Variants in TTLL11 observed in about 807,000 individuals in gnomAD.
The protein encoded by TTLL11 is tubulin tyrosine ligase like 11.
TTLL11 carries 42 observed loss-of-function variants against 51.7 expected under a neutral mutation model. That is an observed-to-expected ratio of 0.81 (90% CI 0.64 to 1.05). TTLL11 has a LOEUF of 1.05. Among genes scored for constraint, TTLL11 ranks in the 50% least tolerant of loss-of-function variants. TTLL11 has a pLI of 0.00. For missense variants in TTLL11, 799 were observed against 940.4 expected (o/e 0.85, Z 1.97); for synonymous variants, 381 against 383.5 (o/e 0.99, Z 0.08).
intron 8 of TTLL11, among the ~76,000 whole-genome samples, chr9:121,859,155 G>A (rs528740803): frequency 4.0e-5 from 6 of 151,648 alleles, no homozygotes; most frequent in African/African-American, 1.5e-4. Flanking sequence ...TTTGTGATGA[G>A]CTGTACAAAT....
chr9:122,038,884 T>C (rs563048583), intron 2 of TTLL11, among the ~76,000 whole-genome samples: 2 of 152,308 alleles, frequency 1.3e-5, no homozygotes, highest in South Asian at 2.1e-4. Context: ...CCTCCAAATA[T>C]AATACTTAAA....
intron 7 of TTLL11, among the ~76,000 whole-genome samples, chr9:121,867,062 AT>A (rs1838202644): frequency 6.6e-6 from 1 of 152,154 alleles, no homozygotes; most frequent in Non-Finnish European, 1.5e-5. Flanking sequence ...ATCTGAGAGC[AT>A]TTTAGGAATC....
intron 1 of TTLL11, among the ~76,000 whole-genome samples, chr9:122,067,893 A>T (rs189946697): frequency 1.3e-5 from 2 of 152,226 alleles, no homozygotes. Flanking sequence ...TCACTCCACA[A>T]TAGTTACCAG....
Position 121,824,751 on chromosome 9 carries a change from C to T in TTLL11, c.1841-1872G>A, listed in dbSNP as rs554312568. Among the ~76,000 whole-genome samples the T allele has an allele frequency of 4.6e-5, 7 of 152,264 alleles. No individual in the cohort carries two copies. In the East Asian group the frequency reaches 5.8e-4, roughly 13 times the overall value. On this transcript the variant is annotated intron_variant, in intron 8 of 8. Transcript: ENST00000321582. Reference sequence around the variant, plus strand: ...GACAGTAAGGTTGGACTGAACACCACGTGGCATTTTAGATTAGGCTGGTGT... The same window carrying T: ...GACAGTAAGGTTGGACTGAACACCATGTGGCATTTTAGATTAGGCTGGTGT...
chr9:122,030,202 T>TGCGG lies in TTLL11; in HGVS notation c.693+1520_693+1521insCCGC, dbSNP rs1554785376. Among the ~76,000 whole-genome samples the TGCGG allele has an allele frequency of 6.4e-5, 5 of 78,536 alleles. No individual in the cohort carries two copies. The Admixed American group carries it at 6.4e-4, about 10-fold the overall frequency. The allele number at this position is 78,536 out of a possible 152,430, so 51.5% of individuals were successfully genotyped here. On this transcript the variant is annotated intron_variant, in intron 3 of 8. Transcript: ENST00000321582. ...GAGCAGAGCCACAGAAGAGAGACAT[T>TGCGG]GGGGGGGGGGGGGTAATTATGAGGA...
rs759773660 is a variant in TTLL11 at position 122,031,772 on chromosome 9, T to C, written c.644A>G (p.Tyr215Cys). 1.2e-5 allele frequency: 19 copies of C among 1,613,396 alleles called. No homozygotes were observed. The highest frequency in any genetic ancestry group is 2.2e-5 in the East Asian group (1 of 44,882). ...GTCAGGCAGAATCCATGAGCGAGGG[T>C]AGAAGTTGTACTCCTCAGGAAAGAG... ...QNLFPEEYNF[Y>C]PRSWILPDEF... Residue 215 changes from tyrosine to cysteine, a missense_variant, in exon 3 of 9, where the codon TAC becomes TGC. This residue lies in a region of TTLL11 where 468 missense variants were observed against 612.8 expected (regional missense o/e 0.76). Transcript: ENST00000321582.
chr9:121,865,111 A>G (rs540070648), intron 7 of TTLL11, among the ~76,000 whole-genome samples: 16 of 152,332 alleles, frequency 1.1e-4, no homozygotes, highest in Admixed American at 5.2e-4. Flanking sequence ...AAGGCATGCA[A>G]TATTGCTGGA....
At chr9:121,910,292 A>G (rs965561842) in intron 6 of TTLL11, among the ~76,000 whole-genome samples, 15 of 152,058 alleles carry the variant, frequency 9.9e-5, no homozygotes, top group African/African-American at 3.4e-4. Context: ...AGTCTCTTAC[A>G]CTCTTTCTCT....
chr9:121,868,119 C>A (rs1412224682), intron 7 of TTLL11, among the ~76,000 whole-genome samples: 2 of 152,066 alleles, frequency 1.3e-5, no homozygotes, highest in East Asian at 3.9e-4. Flanking sequence ...GAAGCTTCTG[C>A]CTTTGCTCCA....
intron 5 of TTLL11, 74 bp from the exon 6 acceptor site, chr9:121,974,198 G>A: frequency 9.0e-7 from 1 of 1,110,336 alleles, no homozygotes; most frequent in African/African-American, 1.6e-5. Flanking sequence ...GCTAGCTCCA[G>A]GGGTTATACT....
chr9:122,086,830 T>A (rs751458450), intron 1 of TTLL11, among the ~76,000 whole-genome samples: 1 of 152,252 alleles, frequency 6.6e-6, no homozygotes, highest in African/African-American at 2.4e-5. Flanking sequence ...TAGAGAATCA[T>A]AAAACACTTA....
rs963130883 is a variant in TTLL11 at position 122,033,388 on chromosome 9, C to T, written c.560-1532G>A. Reference sequence around the variant, plus strand: ...TCGGCCTCCCAAAGTGCTGGGATTACAGACGTGGCCACCGCACCCGGCTAT... The same window carrying T: ...TCGGCCTCCCAAAGTGCTGGGATTATAGACGTGGCCACCGCACCCGGCTAT... On this transcript the variant is annotated intron_variant, in intron 2 of 8. Coordinates refer to ENST00000321582, the MANE Select transcript of TTLL11 (RefSeq NM_001139442.2). 2.0e-5 allele frequency among the ~76,000 whole-genome samples: 3 copies of T among 152,312 alleles called. No individual in the cohort carries two copies. In the East Asian group the frequency reaches 5.8e-4, roughly 29 times the overall value.
At chr9:122,083,631 G>GA (rs1846051297) in intron 1 of TTLL11, among the ~76,000 whole-genome samples, 2 of 152,224 alleles carry the variant, frequency 1.3e-5, no homozygotes, top group African/African-American at 4.8e-5. Context: ...CTAACATGGT[G>GA]AAACCCCGTC....
At chr9:121,963,075 T>G (rs796304035) in intron 6 of TTLL11, among the ~76,000 whole-genome samples, 3 of 152,340 alleles carry the variant, frequency 2.0e-5, no homozygotes, top group African/African-American at 7.2e-5. Context: ...GCAGGTGGAC[T>G]TGGCCATGCC....
intron 6 of TTLL11, among the ~76,000 whole-genome samples, chr9:121,924,686 A>C (rs1840658672): frequency 6.6e-6 from 1 of 151,668 alleles, no homozygotes; most frequent in Non-Finnish European, 1.5e-5. Context: ...GAAAACGGGC[A>C]CTTCCAGAAA....
rs556430067 is a variant in TTLL11, at chr9:121,816,716, T to A, written c.*5871A>T. On this transcript the variant is annotated 3_prime_UTR_variant, in exon 9 of 9. Transcript: ENST00000321582. ...GTGTGCGTGCGTGTGTGTGCATGCA[T>A]GCGCGCGTGTGTGTATAAGCATTAT... The A allele has an allele frequency of 6.6e-6, 1 of 152,188 alleles. No individual in the cohort carries two copies. The highest frequency in any genetic ancestry group is 2.4e-5 in the African/African-American group (1 of 41,496). 9.4% of individuals were successfully genotyped at this position (152,188 alleles called of 1,614,324 possible). A position where few individuals can be genotyped will look rare whatever the true frequency, so the allele number is the denominator to read the frequency against.
At position 121,889,911 on chromosome 9, in the gene TTLL11, G is replaced by T. The variant is rs4836870; in HGVS notation, c.1482-19163C>A. On this transcript the variant is annotated intron_variant, in intron 6 of 8. Transcript: ENST00000321582. ...CAAGACTCCATCTTGGGCGGGGCGG[G>T]GGGGGAGGTGAGGCTGGGGAGGAAA... Among the ~76,000 whole-genome samples, 12 of 144,330 alleles carry T rather than the reference G, an allele frequency of 8.3e-5. 1 individual carries two copies. Among genetic ancestry groups the T allele is most frequent in the South Asian group, 4.7e-4 (2 of 4,298 alleles). The allele number at this position is 144,330 out of a possible 152,430, so 94.7% of individuals were successfully genotyped here. A position where few individuals can be genotyped will look rare whatever the true frequency, so the allele number is the denominator to read the frequency against.
intron 1 of TTLL11, among the ~76,000 whole-genome samples, chr9:122,073,056 G>A (rs537182297): frequency 1.3e-5 from 2 of 152,280 alleles, no homozygotes; most frequent in East Asian, 3.9e-4. Context: ...TGCAGTATGA[G>A]GATCCAATAA....
At chr9:121,836,835 C>G (rs551470041) in intron 8 of TTLL11, among the ~76,000 whole-genome samples, 3 of 152,310 alleles carry the variant, frequency 2.0e-5, no homozygotes, top group African/African-American at 7.2e-5. Flanking sequence ...AAAATTCAGA[C>G]AGAGGCAATG....
Sources: allele counts gnomAD v4.1 joint callset (sites outside exome capture counted in the v4.1 genomes callset), GRCh38; gene constraint gnomAD v4.1.1; regional missense constraint gnomAD v4.1.1; transcripts MANE v1.5; gene names NCBI Gene and HGNC (gene_info 2026-07-23, HGNC 2026-07-21).